The following SUCLG2 variants were observed in gnomAD, a reference collection of about 807,000 sequenced individuals.
SUCLG2 encodes the protein succinate-CoA ligase GDP-forming subunit beta.
In SUCLG2, 42 loss-of-function variants were observed where a neutral mutation model predicts 47.9. The observed-to-expected ratio is 0.88, with a 90% confidence interval of 0.69 to 1.14. The LOEUF (loss-of-function observed/expected upper bound fraction) is 1.14, where lower values mean the gene tolerates loss of function less well. SUCLG2 is among the 50% of genes most tolerant of loss of function. The pLI is 0.00. For synonymous variants in SUCLG2, 195 were observed against 197.3 expected, an observed-to-expected ratio of 0.99 and a Z score of 0.10; for missense variants, 571 against 525.9, an observed-to-expected ratio of 1.09 and a Z score of -0.84.
chr3:67,637,211 G>A (rs2107361955), intron 1 of SUCLG2, among the ~76,000 whole-genome samples: 1 of 152,170 alleles, frequency 6.6e-6, no homozygotes, highest in South Asian at 2.1e-4. Context: ...AAATTTAAGT[G>A]AAATTAAAAA....
chr3:67,396,585 C>T lies in SUCLG2; in HGVS notation c.1183+4146G>A, dbSNP rs1247781808. 6.6e-5 allele frequency among the ~76,000 whole-genome samples: 10 copies of T among 152,228 alleles called. No homozygotes were observed. The East Asian group carries it at 1.9e-3, about 29-fold the overall frequency. On this transcript the variant is annotated intron_variant, in intron 10 of 10. Coordinates refer to ENST00000307227, the MANE Select transcript of SUCLG2 (RefSeq NM_003848.4). ...CAGATGGATTCACAGCCGAATTCTA[C>T]CAGAGGTACAAGGAGGAACTGGTAC...
chr3:67,450,644 T>C (rs1048242993), intron 9 of SUCLG2, among the ~76,000 whole-genome samples: 6 of 152,228 alleles, frequency 3.9e-5, no homozygotes, highest in Non-Finnish European at 8.8e-5. Flanking sequence ...TATCCATTCC[T>C]CTATGGAGAA....
intron 2 of SUCLG2, 95 bp from the exon 3 acceptor site, chr3:67,529,281 G>A: frequency 2.3e-6 from 2 of 882,304 alleles, no homozygotes; most frequent in Non-Finnish European, 3.5e-6. Flanking sequence ...TAACTTCCAA[G>A]TAACTGGTAA....
chr3:67,411,478 C>A (rs530943971), intron 9 of SUCLG2, among the ~76,000 whole-genome samples: 1 of 152,166 alleles, frequency 6.6e-6, no homozygotes, highest in East Asian at 1.9e-4. Context: ...TATCAAAACC[C>A]TAGTGGATAA....
chr3:67,450,741 A>G (rs1379253663), intron 9 of SUCLG2, among the ~76,000 whole-genome samples: 2 of 152,238 alleles, frequency 1.3e-5, no homozygotes, highest in Admixed American at 6.5e-5. Context: ...ACAATTTTGG[A>G]AAGACTATTG....
At chr3:67,514,046 G>T (rs913231001) in intron 6 of SUCLG2, 4 of 356,630 alleles carry the variant, frequency 1.1e-5, no homozygotes, top group Non-Finnish European at 2.2e-5. Context: ...CAAGCCGAGC[G>T]GTTGGCCATA....
At chr3:67,530,816 A>G (rs1422456305) in intron 2 of SUCLG2, among the ~76,000 whole-genome samples, 2 of 152,234 alleles carry the variant, frequency 1.3e-5, no homozygotes, top group Admixed American at 6.5e-5. Flanking sequence ...CCTGTCTTAT[A>G]ATAAACTGGT....
chr3:67,450,611 T>C (rs750708982), intron 9 of SUCLG2, among the ~76,000 whole-genome samples: 3 of 152,234 alleles, frequency 2.0e-5, no homozygotes. Flanking sequence ...TTGCTGTATT[T>C]CCTTTTTCAG....
intron 2 of SUCLG2, among the ~76,000 whole-genome samples, chr3:67,575,638 G>A (rs1379481198): frequency 6.6e-6 from 1 of 152,104 alleles, no homozygotes; most frequent in Non-Finnish European, 1.5e-5. Context: ...AAAAATCACT[G>A]AATTATACAC....
rs555473709 is a variant in SUCLG2 at position 67,422,637 on chromosome 3, G to C, written c.1063-21786C>G. Among the ~76,000 whole-genome samples the C allele has an allele frequency of 5.3e-5, 8 of 152,076 alleles. No individual in the cohort carries two copies. The South Asian group carries it at 1.7e-3, about 32-fold the overall frequency. On this transcript the variant is annotated intron_variant, in intron 9 of 10. Transcript: ENST00000307227. ...AATTTTATAATCTAGTGGTGAACTT[G>C]ATGTTGAGAATGAGAAAGAGATTTC...
chr3:67,571,663 A>G (rs1049142709), intron 2 of SUCLG2, among the ~76,000 whole-genome samples: 1 of 152,234 alleles, frequency 6.6e-6, no homozygotes, highest in Non-Finnish European at 1.5e-5. Context: ...AACACTGGCT[A>G]AATGTTCACC....
chr3:67,563,998 A>T (rs1707386142), intron 2 of SUCLG2, among the ~76,000 whole-genome samples: 1 of 151,792 alleles, frequency 6.6e-6, no homozygotes, highest in Non-Finnish European at 1.5e-5. Flanking sequence ...AAAAGAAAAG[A>T]AGTACTAGTT....
chr3:67,596,248 A>C (rs1375987938), intron 2 of SUCLG2, among the ~76,000 whole-genome samples: 1 of 152,178 alleles, frequency 6.6e-6, no homozygotes, highest in Admixed American at 6.5e-5. Context: ...TCTTCCCCTC[A>C]ACACAAGTAA....
At position 67,609,493 on chromosome 3, in the gene SUCLG2, TC is replaced by T. The variant is rs1559594554; in HGVS notation, c.187del (p.Asp63ThrfsTer13). 8.1e-6 allele frequency: 13 copies of T among 1,613,458 alleles called. 1 individual carries two copies. The South Asian group carries it at 1.4e-4, about 18-fold the overall frequency. ...GVRVQRFFVADTANEALEAAK... is the reference protein window; with the variant it reads ...GVRVQRFFVAXTANEALEAAK... ...AGCCTCGAGAGCTTCATTTGCAGTGTCTGCTACAAAGAATCTTTGAACTCTC... is the reference window on the plus strand; with the variant it reads ...AGCCTCGAGAGCTTCATTTGCAGTGTTGCTACAAAGAATCTTTGAACTCTC... On this transcript the variant is annotated frameshift_variant, in exon 2 of 11. Coordinates refer to ENST00000307227, the MANE Select transcript of SUCLG2 (RefSeq NM_003848.4). LOFTEE classifies it high-confidence loss of function.
At chr3:67,653,502 AATC>A (rs1347323490) in intron 1 of SUCLG2, among the ~76,000 whole-genome samples, 4 of 152,348 alleles carry the variant, frequency 2.6e-5, no homozygotes, top group African/African-American at 9.6e-5. Flanking sequence ...GAACTCAAAA[AATC>A]ATTAATCACT....
intron 9 of SUCLG2, among the ~76,000 whole-genome samples, chr3:67,458,861 C>A (rs147079976): frequency 2.0e-5 from 3 of 152,258 alleles, no homozygotes; most frequent in African/African-American, 7.2e-5. Flanking sequence ...AAAGAAATGG[C>A]AAATGTAAAT....
intron 2 of SUCLG2, among the ~76,000 whole-genome samples, chr3:67,598,756 T>C (rs2107292771): frequency 6.6e-6 from 1 of 152,282 alleles, no homozygotes; most frequent in South Asian, 2.1e-4. Flanking sequence ...CTACTGATGT[T>C]TCCTATGAGC....
At chr3:67,640,957 T>C (rs1027573330) in intron 1 of SUCLG2, among the ~76,000 whole-genome samples, 15 of 152,200 alleles carry the variant, frequency 9.9e-5, no homozygotes, top group African/African-American at 3.4e-4. Flanking sequence ...TGTTTAACCT[T>C]GGGTGAGCTG....
intron 10 of SUCLG2, among the ~76,000 whole-genome samples, chr3:67,380,798 G>C (rs1301533470): frequency 6.6e-6 from 1 of 152,018 alleles, no homozygotes; most frequent in Non-Finnish European, 1.5e-5. Context: ...GACAGGTAGA[G>C]AATAAGAGAA....
Sources: allele counts gnomAD v4.1 joint callset (sites outside exome capture counted in the v4.1 genomes callset), GRCh38; gene constraint gnomAD v4.1.1; transcripts MANE v1.5; gene names NCBI Gene and HGNC (gene_info 2026-07-23, HGNC 2026-07-21).